Variants in RAD54L2 observed in about 807,000 individuals in gnomAD.
RAD54L2 encodes RAD54 like 2.
Under a neutral mutation model 138.4 loss-of-function variants are expected in RAD54L2, and 27 were observed. That is an observed-to-expected ratio of 0.20 (90% CI 0.14 to 0.27). The LOEUF is 0.27. RAD54L2 is among the 10% of genes least tolerant of loss of function. RAD54L2 has a pLI of 1.00. For missense variants in RAD54L2, 1,396 were observed against 1,890.2 expected (o/e 0.74, Z 4.85); for synonymous variants, 644 against 723.2 (o/e 0.89, Z 1.76).
intron 22 of RAD54L2, 92 bp downstream of exon 22, chr3:51,660,210 T>A: frequency 1.1e-6 from 1 of 939,584 alleles, no homozygotes; most frequent in East Asian, 2.7e-5. Flanking sequence ...GAATAGATAA[T>A]ATGTACATGG....
chr3:51,626,569 C>A (rs1295129095), intron 3 of RAD54L2, among the ~76,000 whole-genome samples: 1 of 149,868 alleles, frequency 6.7e-6, no homozygotes, highest in Non-Finnish European at 1.5e-5. Context: ...CTTAGCCTCC[C>A]GAGTAGCTGG....
At position 51,663,399 on chromosome 3, in the gene RAD54L2, G is replaced by C; in HGVS notation, c.4383G>C (p.Val1461=). The change falls in exon 23 of 23, where the codon GTG becomes GTC. Residue 1461 remains valine (V), a synonymous_variant. Coordinates refer to ENST00000684192, the MANE Select transcript of RAD54L2 (RefSeq NM_015106.4). ...SNDDEDKDDD[V]IEVTGK is the part of the protein sequence containing the mutation. ...ATGATGAGGATAAAGACGATGATGT[G>C]ATAGAGGTCACTGGGAAATAGCTAG... 1 of 1,612,230 alleles carries C rather than the reference G, an allele frequency of 6.2e-7. No homozygotes were observed. Among genetic ancestry groups the C allele is most frequent in the East Asian group, 2.2e-5 (1 of 44,814 alleles).
At chr3:51,614,884 A>G (rs542557173) in intron 3 of RAD54L2, among the ~76,000 whole-genome samples, 1 of 149,880 alleles carries the variant, frequency 6.7e-6, no homozygotes, top group South Asian at 2.1e-4. Context: ...TGCTATGATG[A>G]TTTTTTTCAT....
At chr3:51,615,001 A>G (rs1700412599) in intron 3 of RAD54L2, among the ~76,000 whole-genome samples, 1 of 151,150 alleles carries the variant, frequency 6.6e-6, no homozygotes, top group African/African-American at 2.4e-5. Context: ...TAATTAATTA[A>G]TATTTTATTT....
chr3:51,540,818 G>A (rs1328903080), intron 1 of RAD54L2, among the ~76,000 whole-genome samples: 3 of 152,092 alleles, frequency 2.0e-5, no homozygotes, highest in Non-Finnish European at 2.9e-5. Context: ...TTGGGAGGTC[G>A]AGGCGGGCAT....
intron 3 of RAD54L2, among the ~76,000 whole-genome samples, chr3:51,607,251 G>GC (rs1700207387): frequency 6.6e-6 from 1 of 151,026 alleles, no homozygotes. Context: ...AGAGGGCCCT[G>GC]CCGCCTTCCG....
intron 19 of RAD54L2, 97 bp from the exon 20 acceptor site, chr3:51,655,874 G>A: frequency 1.9e-6 from 2 of 1,036,506 alleles, no homozygotes; most frequent in South Asian, 1.7e-5. Flanking sequence ...TCAACTGATG[G>A]TGTAGAATGG....
rs759958826 is a variant in RAD54L2 at position 51,657,601 on chromosome 3, A to G, written c.3248A>G (p.Asn1083Ser). The change falls in exon 21 of 23, where the codon AAC becomes AGC. Residue 1083 changes from asparagine to serine, a missense_variant. Around this residue, in one of 7 missense-constraint regions of RAD54L2, gnomAD observed 634 missense variants for 711.2 expected, o/e 0.89. Coordinates refer to ENST00000684192, the MANE Select transcript of RAD54L2 (RefSeq NM_015106.4). Reference sequence around the variant, plus strand: ...CTAGATATTGTTATTCCTGGACTCAACAGCTCCACAGATGTACAGGCAAGA... The same window carrying G: ...CTAGATATTGTTATTCCTGGACTCAGCAGCTCCACAGATGTACAGGCAAGA... ...TTTDIVIPGL[N>S]SSTDVQARIN... The G allele has an allele frequency of 1.5e-5, 23 of 1,579,800 alleles. No individual in the cohort carries two copies. The highest frequency in any genetic ancestry group is 1.7e-4 in the Middle Eastern group (1 of 6,038).
intron 22 of RAD54L2, 126 bp downstream of exon 22, chr3:51,660,244 A>G: frequency 4.6e-6 from 3 of 653,298 alleles, no homozygotes. Context: ...GTGTACAGAA[A>G]GAGGTAAAGT....
chr3:51,586,152 A>C (rs1209369547), intron 2 of RAD54L2, among the ~76,000 whole-genome samples: 1 of 151,868 alleles, frequency 6.6e-6, no homozygotes, highest in Non-Finnish European at 1.5e-5. Flanking sequence ...CTTAGAGAAG[A>C]ATACAGTTGA....
At chr3:51,547,398 A>G (rs1447416172) in intron 2 of RAD54L2, among the ~76,000 whole-genome samples, 6 of 151,912 alleles carry the variant, frequency 3.9e-5, no homozygotes, top group African/African-American at 1.2e-4. Context: ...GGAAGATGTT[A>G]TAATATAGAT....
chr3:51,610,672 G>A (rs1046607665), intron 3 of RAD54L2, among the ~76,000 whole-genome samples: 7 of 149,480 alleles, frequency 4.7e-5, no homozygotes, highest in African/African-American at 1.5e-4. Context: ...AAGAATGAAT[G>A]AATCTTCTTT....
At chr3:51,544,844 G>A (rs1294609186) in intron 2 of RAD54L2, among the ~76,000 whole-genome samples, 4 of 152,070 alleles carry the variant, frequency 2.6e-5, no homozygotes, top group Non-Finnish European at 5.9e-5. Context: ...CAAGTGATCT[G>A]CCCATCTTGG....
chr3:51,621,208 A>G (rs539590154), intron 3 of RAD54L2, among the ~76,000 whole-genome samples: 8 of 152,362 alleles, frequency 5.3e-5, no homozygotes, highest in Admixed American at 3.3e-4. Context: ...TTACATGACA[A>G]TGAACTTTAA....
In RAD54L2 at chr3:51,662,265, C is replaced by A. The variant is rs1701797536; in HGVS notation, c.3410-161C>A. ...ACCTATTTCTGGGATCAAAGAATTT[C>A]TTTGTGACTGGAAAAGGTTGACTGG... On this transcript the variant is annotated intron_variant, in intron 22 of 22. Coordinates refer to ENST00000684192, the MANE Select transcript of RAD54L2 (RefSeq NM_015106.4). This position sits in a 1 kb window ranked among gnomAD's most constrained non-coding sequence, Gnocchi z 4.6. 6.6e-6 allele frequency among the ~76,000 whole-genome samples: 1 copy of A among 152,058 alleles called. No individual in the cohort carries two copies. Among genetic ancestry groups the A allele is most frequent in the African/African-American group, 2.4e-5 (1 of 41,410 alleles).
chr3:51,607,572 C>A (rs1015683534), intron 3 of RAD54L2, among the ~76,000 whole-genome samples: 1 of 152,210 alleles, frequency 6.6e-6, no homozygotes. Flanking sequence ...CTTTTCTATT[C>A]GACAAAACCG....
chr3:51,620,589 T>C (rs1700549393), intron 3 of RAD54L2, among the ~76,000 whole-genome samples: 1 of 151,982 alleles, frequency 6.6e-6, no homozygotes, highest in Admixed American at 6.6e-5. Flanking sequence ...CTTCATTGAA[T>C]GTAACGTAGG....
chr3:51,589,333 G>C (rs1234738554), intron 2 of RAD54L2, among the ~76,000 whole-genome samples: 2 of 152,084 alleles, frequency 1.3e-5, no homozygotes, highest in African/African-American at 4.8e-5. Context: ...GGAATTTGAG[G>C]CTGCAGTGAG....
chr3:51,539,275 T>C (rs997621251), intron 1 of RAD54L2, among the ~76,000 whole-genome samples: 12 of 151,994 alleles, frequency 7.9e-5, no homozygotes, highest in Admixed American at 7.2e-4. Context: ...GTTGGGAAAG[T>C]ATTTGGAATT....
Sources: gnomAD v4.1 joint callset for allele counts (sites outside exome capture counted in the v4.1 genomes callset) on GRCh38, gnomAD v4.1.1 for gene constraint, gnomAD v4.1.1 regional missense constraint, Gnocchi (gnomAD v3.1) non-coding constraint, MANE v1.5 for transcripts, NCBI Gene and HGNC (gene_info 2026-07-23, HGNC 2026-07-21) for gene names.